Variants in UBE2J2 observed in about 807,000 individuals in gnomAD.
UBE2J2 encodes the protein ubiquitin-conjugating enzyme E2 J2.
UBE2J2 carries 5 observed loss-of-function variants against 28.6 expected under a neutral mutation model. The ratio of observed to expected loss-of-function variants is 0.17; its 90% CI spans 0.09 to 0.37. UBE2J2 has a LOEUF of 0.37. Ranked by LOEUF, UBE2J2 falls within the 10% of genes least tolerant of loss-of-function variation. The pLI is 1.00. For missense variants in UBE2J2, 226 were observed against 338.9 expected (o/e 0.67, Z 2.62); for synonymous variants, 138 against 139.7 (o/e 0.99, Z 0.09).
At chr1:1,266,453 G>A (rs1639866820) in intron 2 of UBE2J2, among the ~76,000 whole-genome samples, 2 of 152,060 alleles carry the variant, frequency 1.3e-5, no homozygotes, top group Admixed American at 1.3e-4. Flanking sequence ...TTGAACCAGG[G>A]AGGCGGAGGT....
chr1:1,261,232 G>A (rs557426076), intron 3 of UBE2J2, among the ~76,000 whole-genome samples: 2 of 152,230 alleles, frequency 1.3e-5, no homozygotes, highest in Non-Finnish European at 2.9e-5. Flanking sequence ...GGGGAGGTCC[G>A]CGGGGACGGG....
intron 2 of UBE2J2, among the ~76,000 whole-genome samples, chr1:1,265,479 G>A (rs531827895): frequency 1.1e-4 from 16 of 152,118 alleles, no homozygotes; most frequent in South Asian, 8.3e-4. Flanking sequence ...CACACATGCC[G>A]TCCAAACCCA....
Position 1,255,499 on chromosome 1 carries a change from A to C in UBE2J2, c.496-12T>G. The C allele has an allele frequency of 6.3e-7, 1 of 1,599,874 alleles. No individual in the cohort carries two copies. The highest frequency in any genetic ancestry group is 8.5e-7 in the Non-Finnish European group (1 of 1,170,104). On this transcript the variant is annotated splice_polypyrimidine_tract_variant and intron_variant, in intron 6 of 6. Transcript: ENST00000349431. ...TTTTGTTTAATCTCCTAAGAGAAAA[A>C]CAGCGAGAAAAGCAGCTGGTCTCCA...
rs570345657 is a variant in UBE2J2, at chr1:1,267,242, C to T, written c.131+620G>A. Among the ~76,000 whole-genome samples the T allele has an allele frequency of 3.1e-4, 47 of 152,178 alleles. No individual in the cohort carries two copies. In the South Asian group the frequency reaches 8.7e-3, roughly 28 times the overall value. On this transcript the variant is annotated intron_variant, in intron 2 of 6. Transcript: ENST00000349431. ...TAGCAGACCTGTAATGGCAGTGTTT[C>T]GACAGAGCAGTATGCACTCTCACAC...
chr1:1,271,974 C>CAAAAAA lies in UBE2J2; in HGVS notation c.-1+1686_-1+1691dup, dbSNP rs60924258. Among the ~76,000 whole-genome samples the CAAAAAA allele has an allele frequency of 9.6e-3, 264 of 27,604 alleles. 8 individuals carry two copies. Among genetic ancestry groups the CAAAAAA allele is most frequent in the Middle Eastern group, 0.025 (1 of 40 alleles). 18.1% of individuals were successfully genotyped at this position (27,604 alleles called of 152,430 possible). ...GGGCAACAAGAGCGAAACTCCGTCT[C>CAAAAAA]AAAAAAAAAAAAAAAAAAAAAAAAA... On this transcript the variant is annotated intron_variant, in intron 1 of 6. Transcript: ENST00000349431.
rs1169252116 is a variant in UBE2J2, at chr1:1,266,683, C to T, written c.131+1179G>A. Among the ~76,000 whole-genome samples, 4 of 151,848 alleles carry T rather than the reference C, an allele frequency of 2.6e-5. No individual in the cohort carries two copies. In the East Asian group the frequency reaches 7.9e-4, roughly 30 times the overall value. On this transcript the variant is annotated intron_variant, in intron 2 of 6. Transcript: ENST00000349431. ...AAAAATACAAAAACAAAAAATTAGC[C>T]GGGCATGGTGGCAGGCGCCTGTAGT...
rs762833022 is a variant in UBE2J2, at chr1:1,267,976, C to T, written c.17G>A (p.Ser6Asn). 7 of 1,613,952 alleles carry T rather than the reference C, an allele frequency of 4.3e-6. No homozygotes were observed. The highest frequency in any genetic ancestry group is 5.1e-6 in the Non-Finnish European group (6 of 1,179,998). MSSTS[S>N]KRAPTTATQR... ...GGTTGCCGTGGTCGGAGCCCTCTTA[C>T]TGCTGGTGCTGCTCATCTGTTAAAA... The change falls in exon 2 of 7, where the codon AGT (serine) becomes AAT (asparagine). Residue 6 changes from serine to asparagine, a missense_variant. Coordinates refer to ENST00000349431, the MANE Select transcript of UBE2J2 (RefSeq NM_058167.3).
chr1:1,260,313 A>G (rs1466658507), intron 3 of UBE2J2, among the ~76,000 whole-genome samples: 1 of 152,244 alleles, frequency 6.6e-6, no homozygotes, highest in Non-Finnish European at 1.5e-5. Flanking sequence ...AGGAAGCGGG[A>G]ACAGCCAAAG....
At chr1:1,256,313 T>C in intron 5 of UBE2J2, 188 bp from the exon 6 acceptor site, 1 of 539,000 alleles carries the variant, frequency 1.9e-6, no homozygotes, top group South Asian at 2.1e-5. Flanking sequence ...CATCAATTCA[T>C]GATATCACAC....
intron 3 of UBE2J2, chr1:1,262,202 G>A (rs573661310): frequency 1.5e-4 from 61 of 398,576 alleles, no homozygotes; most frequent in African/African-American, 1.2e-3. Flanking sequence ...TCAGCTGAAG[G>A]CACACACACG....
At chr1:1,271,054 T>C (rs1640122105) in intron 1 of UBE2J2, among the ~76,000 whole-genome samples, 1 of 152,192 alleles carries the variant, frequency 6.6e-6, no homozygotes, top group Non-Finnish European at 1.5e-5. Context: ...TGCCTCCCAC[T>C]CTGTCACACA....
At chr1:1,263,409 T>C (rs1639673942) in intron 2 of UBE2J2, 23 bp from the exon 3 acceptor site, 1 of 1,610,498 alleles carries the variant, frequency 6.2e-7, no homozygotes, top group Admixed American at 1.7e-5. Flanking sequence ...AGAAAATTAC[T>C]TGGGATTTGA....
chr1:1,266,918 C>T (rs1353780459), intron 2 of UBE2J2, among the ~76,000 whole-genome samples: 1 of 151,944 alleles, frequency 6.6e-6, no homozygotes, highest in African/African-American at 2.4e-5. Context: ...GACAGAGTTT[C>T]GCTCTTGTTG....
At chr1:1,267,563 C>T (rs1639939500) in intron 2 of UBE2J2, among the ~76,000 whole-genome samples, 1 of 152,234 alleles carries the variant, frequency 6.6e-6, no homozygotes, top group African/African-American at 2.4e-5. Flanking sequence ...ACCAGAGACT[C>T]TCTCCAGCCC....
Position 1,266,562 on chromosome 1 carries a change from C to A in UBE2J2, c.131+1300G>T, listed in dbSNP as rs182937104. Among the ~76,000 whole-genome samples, 793 of 152,224 alleles carry A rather than the reference C, an allele frequency of 5.2e-3. 6 individuals are homozygous for A. The highest frequency in any genetic ancestry group is 0.021 in the Middle Eastern group (6 of 292). ...TAAGGCCGGGCGTGGTGGCTCACGC[C>A]TGTAATCCCAGCATTCTGGGAGGCC... On this transcript the variant is annotated intron_variant, in intron 2 of 6. Transcript: ENST00000349431.
intron 5 of UBE2J2, 93 bp downstream of exon 5, chr1:1,256,888 GAAAAAAAAAAA>G (rs57305655): frequency 5.9e-6 from 3 of 511,094 alleles, no homozygotes; most frequent in South Asian, 5.7e-5. Context: ...TCCGTCTCAA[GAAAAAAAAAAA>G]AAAAAAAAAA....
intron 5 of UBE2J2, 97 bp from the exon 6 acceptor site, chr1:1,256,222 G>T: frequency 1.1e-6 from 1 of 878,000 alleles, no homozygotes; most frequent in Non-Finnish European, 1.8e-6. Flanking sequence ...TGCAGTCTTC[G>T]TGTTGCAGAA....
chr1:1,273,648 G>C lies in UBE2J2; in HGVS notation c.-1+18C>G, dbSNP rs551271913. The C allele has an allele frequency of 6.6e-6, 1 of 152,034 alleles. No homozygotes were observed. The highest frequency in any genetic ancestry group is 2.0e-4 in the South Asian group (1 of 5,040). The allele number at this position is 152,034 out of a possible 1,614,324, so 9.4% of individuals were successfully genotyped here. A position where few individuals can be genotyped will look rare whatever the true frequency, so the allele number is the denominator to read the frequency against. ...GAGCGGGCCCGAGGACCCGGCGCAG[G>C]CCTGCGAGCGCGCTCACCTCTCCCT... On this transcript the variant is annotated intron_variant, in intron 1 of 6. Transcript: ENST00000349431.
At chr1:1,272,392 G>A (rs1640198894) in intron 1 of UBE2J2, among the ~76,000 whole-genome samples, 1 of 152,240 alleles carries the variant, frequency 6.6e-6, no homozygotes, top group Non-Finnish European at 1.5e-5. Context: ...GGCAGTGGCT[G>A]CCCAGCGTCC....
Sources: gnomAD v4.1 joint callset for allele counts (sites outside exome capture counted in the v4.1 genomes callset) on GRCh38, gnomAD v4.1.1 for gene constraint, MANE v1.5 for transcripts, NCBI Gene and HGNC (gene_info 2026-07-23, HGNC 2026-07-21) for gene names.